The following NFIL3 variants were observed in gnomAD, a reference collection of about 807,000 sequenced individuals.
The protein encoded by NFIL3 is nuclear factor interleukin-3-regulated protein.
Under a neutral mutation model 10.0 loss-of-function variants are expected in NFIL3, and 5 were observed. That is an observed-to-expected ratio of 0.50 (90% confidence interval 0.26 to 1.06). The LOEUF (loss-of-function observed/expected upper bound fraction) is 1.06, where lower values mean the gene tolerates loss of function less well. Among genes scored for constraint, NFIL3 ranks in the 50% least tolerant of loss-of-function variants. The pLI is 0.13. For synonymous variants in NFIL3, 202 were observed against 206.5 expected (o/e 0.98, Z 0.19); for missense variants, 436 against 547.6 (o/e 0.80, Z 2.03).
the NFIL3 span, among the ~76,000 whole-genome samples, chr9:91,455,594 T>C: frequency 1.3e-5 from 2 of 152,322 alleles, no homozygotes; most frequent in South Asian, 4.1e-4. Context: ...GCTGTTTTAT[T>C]TTACAAGCAT....
At chr9:91,413,471 G>A (rs1185342428) in intron 1 of NFIL3, among the ~76,000 whole-genome samples, 1 of 152,102 alleles carries the variant, frequency 6.6e-6, no homozygotes, top group Non-Finnish European at 1.5e-5. Flanking sequence ...GGCTGGTCTT[G>A]AACTCCTGAT....
At chr9:91,454,200 C>T in the NFIL3 span, among the ~76,000 whole-genome samples, 10 of 148,830 alleles carry the variant, frequency 6.7e-5, no homozygotes, top group Non-Finnish European at 1.2e-4. Flanking sequence ...CACCACTACA[C>T]TCCAGTCTGG....
chr9:91,439,269 A>T, the NFIL3 span, among the ~76,000 whole-genome samples: 2 of 152,050 alleles, frequency 1.3e-5, no homozygotes, highest in Non-Finnish European at 2.9e-5. Flanking sequence ...TTTTGATGCT[A>T]CTGTAAATGG....
At chr9:91,445,066 GCT>G in the NFIL3 span, among the ~76,000 whole-genome samples, 2 of 152,106 alleles carry the variant, frequency 1.3e-5, no homozygotes, top group African/African-American at 4.8e-5. Flanking sequence ...GGGGTCTGTT[GCT>G]CTGAGGCATA....
At chr9:91,447,634 C>T in the NFIL3 span, among the ~76,000 whole-genome samples, 5 of 152,092 alleles carry the variant, frequency 3.3e-5, no homozygotes, top group African/African-American at 1.2e-4. Context: ...AGTATATCTT[C>T]TTTGGAGAAA....
In NFIL3 at chr9:91,409,606, A is replaced by C; in HGVS notation, c.1129T>G (p.Ser377Ala). The C allele has an allele frequency of 6.2e-7, 1 of 1,614,218 alleles. No homozygotes were observed. The highest frequency in any genetic ancestry group is 8.5e-7 in the Non-Finnish European group (1 of 1,180,026). ...KHSAPSMVHS[S>A]LTPFSVQVTN... ...ACTTGCACTGAGAAAGGAGTAAGAG[A>C]AGAATGTACCATACTTGGGGCACTA... Residue 377 changes from serine to alanine, a missense_variant, in exon 2 of 2, where the codon TCT becomes GCT. Around this residue, in one of 3 missense-constraint regions of NFIL3, gnomAD observed 338 missense variants for 399.9 expected, o/e 0.85. Coordinates refer to ENST00000297689, the MANE Select transcript of NFIL3 (RefSeq NM_005384.3).
At chr9:91,440,848 C>T in the NFIL3 span, among the ~76,000 whole-genome samples, 1 of 152,076 alleles carries the variant, frequency 6.6e-6, no homozygotes, top group Non-Finnish European at 1.5e-5. Flanking sequence ...TGGTTTCACA[C>T]CATTTTGGTC....
chr9:91,413,502 C>T (rs982494004), intron 1 of NFIL3, among the ~76,000 whole-genome samples: 9 of 152,290 alleles, frequency 5.9e-5, no homozygotes, highest in Middle Eastern at 6.8e-3. Flanking sequence ...TTGCCTGCCT[C>T]GGACTCCCAA....
At chr9:91,418,728 T>C (rs1486867399) in intron 1 of NFIL3, among the ~76,000 whole-genome samples, 1 of 152,208 alleles carries the variant, frequency 6.6e-6, no homozygotes. Context: ...TTCTGAGTCC[T>C]ATGAAACTGA....
chr9:91,434,331 C>T, the NFIL3 span, among the ~76,000 whole-genome samples: 1 of 152,056 alleles, frequency 6.6e-6, no homozygotes, highest in Admixed American at 6.5e-5. Flanking sequence ...TCAAGCCTCC[C>T]CAAGTAGATA....
At chr9:91,436,221 C>G in the NFIL3 span, among the ~76,000 whole-genome samples, 8 of 152,228 alleles carry the variant, frequency 5.3e-5, no homozygotes, top group African/African-American at 1.9e-4. Context: ...CCTTCACAGG[C>G]ACTGCCCCAG....
the NFIL3 span, among the ~76,000 whole-genome samples, chr9:91,481,325 T>A: frequency 6.6e-6 from 1 of 152,092 alleles, no homozygotes; most frequent in African/African-American, 2.4e-5. Flanking sequence ...TTTATTCATA[T>A]CCCAAGTATT....
chr9:91,423,286 C>T (rs1157960223), intron 1 of NFIL3, among the ~76,000 whole-genome samples: 1 of 152,188 alleles, frequency 6.6e-6, no homozygotes, highest in African/African-American at 2.4e-5. Context: ...CATCTTCCCG[C>T]TCGGAGAGGG....
chr9:91,454,990 AAC>A, the NFIL3 span, among the ~76,000 whole-genome samples: 4 of 152,348 alleles, frequency 2.6e-5, no homozygotes, highest in South Asian at 2.1e-4. Context: ...CATCATGGTG[AAC>A]ACAGTCTGCA....
chr9:91,480,141 AAT>A, the NFIL3 span, among the ~76,000 whole-genome samples: 8 of 120,880 alleles, frequency 6.6e-5, no homozygotes, highest in South Asian at 1.5e-3. Context: ...CTCATAATCT[AAT>A]ATTTTTTTTT....
chr9:91,433,010 A>G, the NFIL3 span, among the ~76,000 whole-genome samples: 1 of 152,214 alleles, frequency 6.6e-6, no homozygotes, highest in Non-Finnish European at 1.5e-5. Flanking sequence ...TAGGAAAATA[A>G]ACAGGAAACT....
chr9:91,421,504 G>A (rs1019916636), intron 1 of NFIL3, among the ~76,000 whole-genome samples: 18 of 152,142 alleles, frequency 1.2e-4, no homozygotes, highest in Non-Finnish European at 2.6e-4. Flanking sequence ...ACTGCCGTTC[G>A]GAGGCGCTTC....
At chr9:91,434,427 C>A in the NFIL3 span, among the ~76,000 whole-genome samples, 3 of 151,988 alleles carry the variant, frequency 2.0e-5, no homozygotes, top group African/African-American at 2.4e-5. Flanking sequence ...ATTGGCTAGA[C>A]CTTCATCTCA....
intron 1 of NFIL3, among the ~76,000 whole-genome samples, chr9:91,421,552 A>C (rs1295802588): frequency 6.6e-6 from 1 of 151,668 alleles, no homozygotes; most frequent in Non-Finnish European, 1.5e-5. Flanking sequence ...CCACTACCAG[A>C]CCCGCCCCCA....
Sources: allele counts gnomAD v4.1 joint callset (sites outside exome capture counted in the v4.1 genomes callset), GRCh38; gene constraint gnomAD v4.1.1; regional missense constraint gnomAD v4.1.1; transcripts MANE v1.5; gene names NCBI Gene and HGNC (gene_info 2026-07-23, HGNC 2026-07-21).